SEPTIN8: variants seen among roughly 807,000 people sequenced by gnomAD.
SEPTIN8 encodes septin 8.
SEPTIN8 carries 22 observed loss-of-function variants against 53.1 expected under a neutral mutation model. The observed-to-expected ratio is 0.41, with a 90% CI of 0.30 to 0.59. The LOEUF (loss-of-function observed/expected upper bound fraction) is 0.59, where lower values mean the gene tolerates loss of function less well. Ranked by LOEUF, SEPTIN8 falls within the 20% of genes least tolerant of loss-of-function variation. The probability of loss-of-function intolerance (pLI) is 0.24; values close to 1 mark genes in which losing one functional copy is unlikely to be tolerated. For synonymous variants in SEPTIN8, 228 were observed against 248.4 expected (o/e 0.92, Z 0.77); for missense variants, 536 against 638.7 (o/e 0.84, Z 1.73).
intron 2 of SEPTIN8, among the ~76,000 whole-genome samples, chr5:132,764,715 G>A (rs572481315): frequency 5.8e-4 from 88 of 152,302 alleles, no homozygotes; most frequent in Middle Eastern, 3.4e-3. Flanking sequence ...GAGCCAGGCA[G>A]CTGTGTAGAC....
At chr5:132,770,041 ATGTGTG>A (rs1180280053) in intron 1 of SEPTIN8, among the ~76,000 whole-genome samples, 68 of 82,866 alleles carry the variant, frequency 8.2e-4, no homozygotes, top group Non-Finnish European at 1.3e-3. Flanking sequence ...ATATATATAT[ATGTGTG>A]TGTGTGTGTG....
chr5:132,759,671 A>G (rs1320231745), intron 9 of SEPTIN8, among the ~76,000 whole-genome samples: 1 of 152,210 alleles, frequency 6.6e-6, no homozygotes, highest in Non-Finnish European at 1.5e-5. Context: ...CAAATATCCC[A>G]GGAGGAAATG....
intron 9 of SEPTIN8, chr5:132,752,844 T>G: frequency 6.3e-7 from 1 of 1,591,624 alleles, no homozygotes; most frequent in Non-Finnish European, 8.6e-7. Context: ...TGCTTGAAGA[T>G]GGCCACTCTA....
In SEPTIN8 at chr5:132,765,510, C is replaced by T. The variant is rs372327584; in HGVS notation, c.50G>A (p.Arg17Gln). The T allele has an allele frequency of 3.2e-5, 52 of 1,606,586 alleles. No individual in the cohort carries two copies. The highest frequency in any genetic ancestry group is 8.9e-5 in the South Asian group (8 of 89,816). ...CACATGGCCGCCCAGGGAGAGGCTCCGGGGCTCTGGCTCTGCATTCTGCCA... is the reference window on the plus strand; with the variant it reads ...CACATGGCCGCCCAGGGAGAGGCTCTGGGGCTCTGGCTCTGCATTCTGCCA... ...ERFSNAEPEP[R>Q]SLSLGGHVGF... The change falls in exon 2 of 10, where the codon CGG becomes CAG. Residue 17 changes from arginine (R) to glutamine (Q), a missense_variant. Arg to Gln is a conservative substitution (Grantham distance 43). This residue lies in a region of SEPTIN8 where 395 missense variants were observed against 451.8 expected (regional missense o/e 0.87). Transcript: ENST00000378719.
At position 132,761,356 on chromosome 5, in the gene SEPTIN8, C is replaced by T; in HGVS notation, c.963-91G>A. The stretch of plus-strand genomic sequence containing the variant: ...AGCCAGAGAAGTAGAATCATGTGGG[C>T]ACGAGGGGTAAGAGGATGTGGGGTC... On this transcript the variant is annotated intron_variant, in intron 7 of 9. Coordinates refer to ENST00000378719, the MANE Select transcript of SEPTIN8 (RefSeq NM_001098811.2). This position sits in a 1 kb window ranked among gnomAD's most constrained non-coding sequence, Gnocchi z 5.8. 1 of 1,593,064 alleles carries T rather than the reference C, an allele frequency of 6.3e-7. No individual in the cohort carries two copies. The highest frequency in any genetic ancestry group is 1.3e-5 in the African/African-American group (1 of 74,732).
At chr5:132,778,889 T>A (rs1757981527), upstream of SEPTIN8, among the ~76,000 whole-genome samples, 1 of 152,242 alleles carries the variant, frequency 6.6e-6, no homozygotes, top group Non-Finnish European at 1.5e-5. Flanking sequence ...GTTTCCTTTT[T>A]CTTTCCCTAT....
intron 1 of SEPTIN8, among the ~76,000 whole-genome samples, chr5:132,770,149 A>G (rs145895282): frequency 1.2e-3 from 88 of 73,526 alleles, no homozygotes; most frequent in Middle Eastern, 0.011. Context: ...GTGTGTGTAT[A>G]TATATATATA....
At position 132,773,044 on chromosome 5, in the gene SEPTIN8, A is replaced by T. The variant is rs1387637547; in HGVS notation, c.30+4064T>A. Among the ~76,000 whole-genome samples the T allele has an allele frequency of 6.6e-6, 1 of 152,154 alleles. No homozygotes were observed. Among genetic ancestry groups the T allele is most frequent in the Non-Finnish European group, 1.5e-5 (1 of 68,032 alleles). On this transcript the variant is annotated intron_variant, in intron 1 of 9. Coordinates refer to ENST00000378719, the MANE Select transcript of SEPTIN8 (RefSeq NM_001098811.2). This position sits in a 1 kb window ranked among gnomAD's most constrained non-coding sequence, Gnocchi z 4.2. ...CCCCAAGAACATGTAGGGCAACTGC[A>T]CGCAGAGCCAAGATGCCCCCTGCCC... is the stretch of plus-strand genomic sequence containing the variant.
intron 9 of SEPTIN8, chr5:132,757,624 C>T (rs747547350): frequency 8.1e-5 from 80 of 985,392 alleles, no homozygotes; most frequent in South Asian, 9.4e-5. Context: ...GTGCCCAGCA[C>T]GGTGCTTCAA....
At chr5:132,774,681 T>G (rs1180192834) in intron 1 of SEPTIN8, among the ~76,000 whole-genome samples, 1 of 152,160 alleles carries the variant, frequency 6.6e-6, no homozygotes, top group Non-Finnish European at 1.5e-5. Flanking sequence ...CAACTCTGTA[T>G]GCCGTCTAAG....
intron 9 of SEPTIN8, among the ~76,000 whole-genome samples, chr5:132,755,480 G>A (rs570079485): frequency 1.1e-4 from 16 of 152,186 alleles, no homozygotes; most frequent in African/African-American, 2.4e-4. Flanking sequence ...GACTACCAGC[G>A]TTCAAATCTC....
At chr5:132,763,443 C>G (rs39588) in intron 4 of SEPTIN8, among the ~76,000 whole-genome samples, 54,320 of 152,022 alleles carry the variant, frequency 0.36, 16,245 homozygotes, top group African/African-American at 0.79. Flanking sequence ...GAGGGGCTGA[C>G]AATGAGAATG....
chr5:132,758,107 A>G (rs1233474723), intron 9 of SEPTIN8: 4 of 1,013,526 alleles, frequency 3.9e-6, no homozygotes, highest in East Asian at 9.5e-5. Context: ...GGTCTTGTTC[A>G]TGTTCCAATT....
Position 132,761,843 on chromosome 5 carries a change from G to T in SEPTIN8, c.750C>A (p.Asn250Lys). The T allele has an allele frequency of 6.2e-7, 1 of 1,608,848 alleles. No homozygotes were observed. The highest frequency in any genetic ancestry group is 8.5e-7 in the Non-Finnish European group (1 of 1,177,690). ...GGTACTGCCGTGCTCGGACCAGCTT[G>T]TTCCCCACCTTCACCTCCTCGGTGC... is the stretch of plus-strand genomic sequence containing the variant. ...VGSTEEVKVG[N>K]KLVRARQYPW... Residue 250 changes from asparagine to lysine, a missense_variant, in exon 6 of 10, where the codon AAC becomes AAA. Asn to Lys is a moderately conservative substitution (Grantham distance 94, BLOSUM62 0). This residue lies in a region of SEPTIN8 where 395 missense variants were observed against 451.8 expected (regional missense o/e 0.87). Transcript: ENST00000378719. This position sits in a 1 kb window ranked among gnomAD's most constrained non-coding sequence, Gnocchi z 5.8.
intron 9 of SEPTIN8, chr5:132,757,383 G>A (rs1218060352): frequency 2.0e-6 from 2 of 985,426 alleles, no homozygotes; most frequent in Non-Finnish European, 2.4e-6. Flanking sequence ...TTCTCCCTGA[G>A]CAGAACATCA....
upstream of SEPTIN8, chr5:132,777,334 C>G: frequency 9.4e-7 from 1 of 1,059,268 alleles, no homozygotes; most frequent in Non-Finnish European, 1.1e-6. This position sits in a 1 kb window ranked among gnomAD's most constrained non-coding sequence, Gnocchi z 4.1. Flanking sequence ...GGACCGGCCT[C>G]CCCGCCCGGC....
intron 9 of SEPTIN8, chr5:132,756,170 A>G (rs773627236): frequency 5.4e-5 from 53 of 985,384 alleles, no homozygotes; most frequent in Non-Finnish European, 6.4e-5. Context: ...CCTCGTATCC[A>G]TGAGCCCCAC....
rs1757504334 is a variant in SEPTIN8, at chr5:132,773,417, G to A, written c.30+3691C>T. ...GCTCGCCTCTGGTAGCTGGACTTGA[G>A]CCACAGAGACATTCGTGGTAGTTAC... On this transcript the variant is annotated intron_variant, in intron 1 of 9. Transcript: ENST00000378719. The surrounding 1 kb of genome is among the most constrained non-coding windows in gnomAD (Gnocchi z 4.2). Among the ~76,000 whole-genome samples, 1 of 152,218 alleles carries A rather than the reference G, an allele frequency of 6.6e-6. No individual in the cohort carries two copies. The highest frequency in any genetic ancestry group is 2.1e-4 in the South Asian group (1 of 4,836).
At chr5:132,757,017 G>A in intron 9 of SEPTIN8, 1 of 985,372 alleles carries the variant, frequency 1.0e-6, no homozygotes, top group Non-Finnish European at 1.2e-6. Context: ...ATGAGCCATT[G>A]GCAGCCCACA....
Sources: gnomAD v4.1 joint callset for allele counts (sites outside exome capture counted in the v4.1 genomes callset) on GRCh38, gnomAD v4.1.1 for gene constraint, gnomAD v4.1.1 regional missense constraint, Gnocchi (gnomAD v3.1) non-coding constraint, MANE v1.5 for transcripts, NCBI Gene and HGNC (gene_info 2026-07-23, HGNC 2026-07-21) for gene names.